RALY: variants seen among roughly 807,000 people sequenced by gnomAD.
RALY encodes RALY heterogeneous nuclear ribonucleoprotein, also known as RNA-binding protein Raly.
In RALY, 15 loss-of-function variants were observed where a neutral mutation model predicts 30.7. That is an observed-to-expected ratio of 0.49 (90% CI 0.33 to 0.75). RALY has a LOEUF of 0.75. RALY is among the 30% of genes least tolerant of loss of function. RALY has a pLI of 0.02. For synonymous variants in RALY, 177 were observed against 170.8 expected (o/e 1.04, Z -0.28); for missense variants, 339 against 414.3 (o/e 0.82, Z 1.58).
chr20:34,036,261 C>T (rs750276068), intron 2 of RALY, among the ~76,000 whole-genome samples: 15 of 152,120 alleles, frequency 9.9e-5, no homozygotes, highest in Non-Finnish European at 1.9e-4. Flanking sequence ...GGAAAGTATT[C>T]CATCTTTCAG....
At chr20:34,008,384 A>G (rs1472138836) in intron 1 of RALY, among the ~76,000 whole-genome samples, 3 of 152,216 alleles carry the variant, frequency 2.0e-5, no homozygotes. Flanking sequence ...GTTCACTCCC[A>G]ACGGCATCTG....
chr20:34,070,553 AAAT>A (rs1425810664), intron 2 of RALY, among the ~76,000 whole-genome samples: 1 of 152,236 alleles, frequency 6.6e-6, no homozygotes, highest in African/African-American at 2.4e-5. Context: ...AATTTATTAA[AAAT>A]AATTCTCAGG....
chr20:34,058,019 C>A (rs1038908767), intron 2 of RALY, among the ~76,000 whole-genome samples: 7 of 148,096 alleles, frequency 4.7e-5, no homozygotes, highest in Non-Finnish European at 9.0e-5. Context: ...TTTGGAGAAA[C>A]TTTTTTTTTT....
intron 1 of RALY, among the ~76,000 whole-genome samples, chr20:34,024,145 A>G (rs2031931888): frequency 6.6e-6 from 1 of 152,034 alleles, no homozygotes; most frequent in Admixed American, 6.6e-5. Context: ...CTCCCTTTTT[A>G]TAAAATGGTT....
At chr20:34,015,185 C>G (rs1186755366) in intron 1 of RALY, 3 of 152,050 alleles carry the variant, frequency 2.0e-5, no homozygotes, top group African/African-American at 7.2e-5. Context: ...CCACCTGTCC[C>G]CCTTATTCAG....
At chr20:34,073,906 A>G (rs765137334) in intron 5 of RALY, 40 bp downstream of exon 5, 7 of 1,596,798 alleles carry the variant, frequency 4.4e-6, no homozygotes, top group Non-Finnish European at 5.2e-6. Flanking sequence ...GAAACAGCCA[A>G]GCTGGAAGGG....
intron 2 of RALY, among the ~76,000 whole-genome samples, chr20:34,068,346 AG>A (rs2033636292): frequency 6.6e-6 from 1 of 152,200 alleles, no homozygotes; most frequent in South Asian, 2.1e-4. Context: ...TGAAAAGCAT[AG>A]GAAGAATTGG....
At chr20:34,060,932 A>G (rs2268086) in intron 2 of RALY, among the ~76,000 whole-genome samples, 79,823 of 152,064 alleles carry the variant, frequency 0.52, 23,156 homozygotes, top group South Asian at 0.75. Context: ...GAGCTACTCA[A>G]TTTGCCCAGT....
At chr20:34,079,035 A>G (rs1237976667) in intron 9 of RALY, among the ~76,000 whole-genome samples, 1 of 152,212 alleles carries the variant, frequency 6.6e-6, no homozygotes, top group Non-Finnish European at 1.5e-5. Flanking sequence ...TGGTGAGGCC[A>G]AGAGCCTCCT....
intron 2 of RALY, among the ~76,000 whole-genome samples, chr20:34,052,278 G>A (rs895778212): frequency 3.9e-5 from 6 of 152,156 alleles, no homozygotes; most frequent in African/African-American, 1.4e-4. Flanking sequence ...TAACCTTGGA[G>A]CCCCTTTTTT....
intron 2 of RALY, among the ~76,000 whole-genome samples, chr20:34,053,079 C>T (rs917558643): frequency 2.6e-5 from 4 of 151,728 alleles, no homozygotes; most frequent in Non-Finnish European, 5.9e-5. Context: ...AGGCTGATCT[C>T]GAACTCCTGA....
chr20:34,005,844 T>C (rs1403906105), intron 1 of RALY, among the ~76,000 whole-genome samples: 3 of 152,224 alleles, frequency 2.0e-5, no homozygotes, highest in African/African-American at 7.2e-5. Context: ...GTTGGAATCA[T>C]ACAGTATGTA....
rs1450983127 is a variant in RALY at position 34,078,581 on chromosome 20, A to T, written c.*4+28A>T. The T allele has an allele frequency of 4.6e-6, 7 of 1,522,530 alleles. No individual in the cohort carries two copies. In the African/African-American group the frequency reaches 7.0e-5, roughly 15 times the overall value. The allele number at this position is 1,522,530 out of a possible 1,614,324, so 94.3% of individuals were successfully genotyped here. On this transcript the variant is annotated intron_variant, in intron 9 of 9. Transcript: ENST00000246194. ...ACAGGGGTCCTGTCCTGATGGGCAGAGGGTGGGGAATCAGTGAAGTGGAGG... is the reference window on the plus strand; with the variant it reads ...ACAGGGGTCCTGTCCTGATGGGCAGTGGGTGGGGAATCAGTGAAGTGGAGG...
At chr20:34,051,826 C>G (rs1253573543) in intron 2 of RALY, among the ~76,000 whole-genome samples, 6 of 152,154 alleles carry the variant, frequency 3.9e-5, no homozygotes, top group South Asian at 4.1e-4. Flanking sequence ...AGGATGGTCT[C>G]CATCTCCTGA....
chr20:34,031,136 C>A (rs1405183843), intron 1 of RALY, among the ~76,000 whole-genome samples: 2 of 151,874 alleles, frequency 1.3e-5, no homozygotes, highest in East Asian at 3.9e-4. Context: ...CCTCCGCCTC[C>A]CAGGTTCAAG....
intron 2 of RALY, among the ~76,000 whole-genome samples, chr20:34,035,777 A>G (rs995024530): frequency 3.3e-5 from 5 of 152,218 alleles, no homozygotes; most frequent in African/African-American, 1.2e-4. Context: ...ACGTTCTAGT[A>G]GAGGAAAGCA....
intron 2 of RALY, among the ~76,000 whole-genome samples, chr20:34,059,242 A>G (rs907533956): frequency 3.3e-5 from 5 of 152,128 alleles, no homozygotes; most frequent in African/African-American, 9.7e-5. Flanking sequence ...GTTCAAGGAG[A>G]AGGATTGTTG....
chr20:34,013,474 C>T (rs1245591645), intron 1 of RALY, among the ~76,000 whole-genome samples: 1 of 149,198 alleles, frequency 6.7e-6, no homozygotes, highest in East Asian at 2.0e-4. Context: ...TTACAAGGGG[C>T]TTATTGGGAT....
At chr20:34,021,725 C>T (rs1482501323) in intron 1 of RALY, among the ~76,000 whole-genome samples, 1 of 152,074 alleles carries the variant, frequency 6.6e-6, no homozygotes, top group Non-Finnish European at 1.5e-5. Flanking sequence ...GCTGCGTGAC[C>T]TTGGGCCAGT....
Sources: gnomAD v4.1 joint callset for allele counts (sites outside exome capture counted in the v4.1 genomes callset) on GRCh38, gnomAD v4.1.1 for gene constraint, MANE v1.5 for transcripts, NCBI Gene and HGNC (gene_info 2026-07-23, HGNC 2026-07-21) for gene names.